DNAH3: variants seen among roughly 807,000 people sequenced by gnomAD.
DNAH3 encodes axonemal beta dynein heavy chain 3.
A neutral mutation model predicts 432.5 loss-of-function variants in DNAH3; 332 were observed. The observed-to-expected ratio is 0.77, with a 90% CI of 0.70 to 0.84. DNAH3 has a LOEUF of 0.84. Among genes scored for constraint, DNAH3 ranks in the 40% least tolerant of loss-of-function variants. DNAH3 has a pLI of 0.00. For synonymous variants in DNAH3, 1,956 were observed against 1,900.2 expected, an observed-to-expected ratio of 1.03 and a Z score of -0.76; for missense variants, 4,861 against 5,114.0, an observed-to-expected ratio of 0.95 and a Z score of 1.51.
At chr16:21,145,652 T>C (rs2092773771) in intron 2 of DNAH3, among the ~76,000 whole-genome samples, 1 of 152,230 alleles carries the variant, frequency 6.6e-6, no homozygotes, top group Admixed American at 6.5e-5. Context: ...GTAATTGACA[T>C]CTCTGGTCTT....
chr16:21,029,217 A>G (rs904419378), intron 37 of DNAH3, among the ~76,000 whole-genome samples: 1 of 152,228 alleles, frequency 6.6e-6, no homozygotes, highest in African/African-American at 2.4e-5. Flanking sequence ...TTTGAATATT[A>G]TATAATCAAA....
intron 61 of DNAH3, 68 bp downstream of exon 61, chr16:20,935,280 T>A: frequency 1.3e-6 from 2 of 1,587,278 alleles, no homozygotes; most frequent in South Asian, 2.3e-5. Flanking sequence ...TTTTGACTCA[T>A]AAGGAAATTG....
chr16:21,056,076 T>A (rs370252486), intron 27 of DNAH3, among the ~76,000 whole-genome samples: 1 of 152,180 alleles, frequency 6.6e-6, no homozygotes, highest in Non-Finnish European at 1.5e-5. Context: ...TCAAGCTGTG[T>A]TGAGGATTAA....
At chr16:21,050,163 C>T (rs1167783852) in intron 29 of DNAH3, 145 bp from the exon 30 acceptor site, 16 of 627,826 alleles carry the variant, frequency 2.5e-5, no homozygotes, top group Admixed American at 2.1e-4. Context: ...TGCTAAAAGC[C>T]GCGATGACTT....
chr16:21,116,488 A>ACGAC (rs1250467809), intron 12 of DNAH3, among the ~76,000 whole-genome samples: 1 of 151,876 alleles, frequency 6.6e-6, no homozygotes. Flanking sequence ...CCCTTTTGCC[A>ACGAC]CGACCGACCG....
intron 15 of DNAH3, 77 bp downstream of exon 15, chr16:21,106,413 T>G (rs1413984308): frequency 2.6e-6 from 3 of 1,172,904 alleles, no homozygotes; most frequent in Non-Finnish European, 3.4e-6. Context: ...TATAGACTAT[T>G]TGAAATGTTA....
intron 28 of DNAH3, 143 bp from the exon 29 acceptor site, chr16:21,052,011 C>A: frequency 1.5e-6 from 1 of 667,852 alleles, no homozygotes; most frequent in South Asian, 2.4e-5. Context: ...TTATTTTTTG[C>A]GATGGAGTCT....
At chr16:21,128,827 C>G (rs1271869178) in intron 7 of DNAH3, among the ~76,000 whole-genome samples, 1 of 150,492 alleles carries the variant, frequency 6.6e-6, no homozygotes, top group Non-Finnish European at 1.5e-5. Flanking sequence ...TCACTGCACT[C>G]CAGCCTGGGT....
chr16:21,020,762 T>C (rs2088171503), intron 40 of DNAH3, among the ~76,000 whole-genome samples: 1 of 152,092 alleles, frequency 6.6e-6, no homozygotes, highest in African/African-American at 2.4e-5. Context: ...CATCTAACCA[T>C]TTTTTAGTGT....
At chr16:21,145,074 G>C (rs1234833118) in intron 3 of DNAH3, 107 bp downstream of exon 4, 1 of 983,732 alleles carries the variant, frequency 1.0e-6, no homozygotes, top group East Asian at 2.6e-5. Flanking sequence ...ATCGTGCCAT[G>C]GCACTCCAGC....
intron 1 of DNAH3, among the ~76,000 whole-genome samples, chr16:21,146,463 G>A (rs949467526): frequency 6.6e-6 from 1 of 152,202 alleles, no homozygotes; most frequent in Non-Finnish European, 1.5e-5. Context: ...GGCTGAGACA[G>A]GAGAGTTGCT....
intron 51 of DNAH3, among the ~76,000 whole-genome samples, chr16:20,970,711 A>G (rs2085299430): frequency 6.6e-6 from 1 of 152,188 alleles, no homozygotes; most frequent in African/African-American, 2.4e-5. Flanking sequence ...TTTTGGTATC[A>G]TTGATCATCC....
chr16:20,940,961 A>T (rs1420546627), intron 59 of DNAH3, among the ~76,000 whole-genome samples: 1 of 152,108 alleles, frequency 6.6e-6, no homozygotes, highest in African/African-American at 2.4e-5. Flanking sequence ...ATTAGCCAGC[A>T]TGGTGGCCTG....
chr16:21,037,751 C>G lies in DNAH3; in HGVS notation c.4950+10G>C. The G allele has an allele frequency of 1.2e-6, 2 of 1,613,504 alleles. No homozygotes were observed. The highest frequency in any genetic ancestry group is 1.1e-5 in the South Asian group (1 of 91,016). ...TTGGTCCTCGGCCAAGGTCCTGAAC[C>G]GCTACATACCTGAAACAGAGGGACA... On this transcript the variant is annotated intron_variant, in intron 34 of 61. Coordinates refer to ENST00000261383, the Ensembl canonical transcript of DNAH3.
chr16:21,156,910 A>T (rs113588769), intron 1 of DNAH3, among the ~76,000 whole-genome samples: 36 of 139,818 alleles, frequency 2.6e-4, no homozygotes, highest in African/African-American at 8.2e-4. Context: ...GCACTCTTAA[A>T]CAAAAATCCC....
At chr16:20,959,051 A>T (rs1267807080) in intron 54 of DNAH3, 128 bp downstream of exon 54, 2 of 936,318 alleles carry the variant, frequency 2.1e-6, no homozygotes, top group African/African-American at 3.2e-5. Flanking sequence ...TACAGACATG[A>T]GCCACCCTGC....
At chr16:21,127,513 A>G (rs2092467743) in intron 8 of DNAH3, among the ~76,000 whole-genome samples, 174 bp downstream of exon 9, 1 of 151,886 alleles carries the variant, frequency 6.6e-6, no homozygotes, top group Non-Finnish European at 1.5e-5. Context: ...GTGAGCTGAG[A>G]TCACACCACT....
chr16:21,026,238 C>A (rs1452344745), intron 38 of DNAH3, among the ~76,000 whole-genome samples: 14 of 152,128 alleles, frequency 9.2e-5, no homozygotes, highest in Admixed American at 9.2e-4. Context: ...AAAGTACTTG[C>A]TGGGTTTTAG....
At chr16:21,056,334 C>T (rs1486892698) in intron 27 of DNAH3, among the ~76,000 whole-genome samples, 1 of 152,000 alleles carries the variant, frequency 6.6e-6, no homozygotes, top group African/African-American at 2.4e-5. Flanking sequence ...CCAATCCTAA[C>T]TTCCCTCCCC....
Sources: gnomAD v4.1 joint callset for allele counts (sites outside exome capture counted in the v4.1 genomes callset) on GRCh38, gnomAD v4.1.1 for gene constraint, MANE v1.5 for transcripts, NCBI Gene and HGNC (gene_info 2026-07-23, HGNC 2026-07-21) for gene names.